Variants in TSPAN12 observed in about 807,000 individuals in gnomAD.
TSPAN12 encodes tetraspanin-12.
In TSPAN12, 19 loss-of-function variants were observed where a neutral mutation model predicts 39.2. That is an observed-to-expected ratio of 0.49 (90% confidence interval 0.34 to 0.71). The LOEUF is 0.71. Among genes scored for constraint, TSPAN12 ranks in the 30% least tolerant of loss-of-function variants. The pLI is 0.01. For synonymous variants in TSPAN12, 119 were observed against 124.8 expected (o/e 0.95, Z 0.31); for missense variants, 314 against 359.9 (o/e 0.87, Z 1.03).
At chr7:120,858,254 A>T (rs897795917), upstream of TSPAN12, 1 of 152,320 alleles carries the variant, frequency 6.6e-6, no homozygotes, top group Non-Finnish European at 1.5e-5. Flanking sequence ...TAGGGTCCAG[A>T]AGATAATGCC....
chr7:120,808,142 C>T (rs543807905), intron 6 of TSPAN12, among the ~76,000 whole-genome samples: 1 of 152,222 alleles, frequency 6.6e-6, no homozygotes, highest in African/African-American at 2.4e-5. Flanking sequence ...GATGACAGAA[C>T]AGTTCTTGGA....
intron 2 of TSPAN12, among the ~76,000 whole-genome samples, chr7:120,841,741 C>T (rs920352555): frequency 1.3e-5 from 2 of 151,972 alleles, no homozygotes; most frequent in African/African-American, 4.8e-5. Flanking sequence ...ATAATGATGA[C>T]TGGGATATGG....
intron 2 of TSPAN12, among the ~76,000 whole-genome samples, chr7:120,845,733 T>C (rs762012017): frequency 6.6e-6 from 1 of 152,218 alleles, no homozygotes; most frequent in Non-Finnish European, 1.5e-5. Flanking sequence ...TTTGTCAATA[T>C]TACTATCAGC....
chr7:120,829,434 C>T (rs1794350604), intron 4 of TSPAN12, among the ~76,000 whole-genome samples: 1 of 151,770 alleles, frequency 6.6e-6, no homozygotes, highest in South Asian at 2.1e-4. Context: ...GCTTTCCTCA[C>T]TGGCTTAAAT....
rs564570887 is a variant in TSPAN12 at position 120,825,742 on chromosome 7, C to A, written c.286-9939G>T. Among the ~76,000 whole-genome samples the A allele has an allele frequency of 5.9e-5, 9 of 152,256 alleles. No homozygotes were observed. The South Asian group carries it at 1.9e-3, about 32-fold the overall frequency. On this transcript the variant is annotated intron_variant, in intron 4 of 7. Coordinates refer to ENST00000222747, the MANE Select transcript of TSPAN12 (RefSeq NM_012338.4). ...ATATTTGTACAAGATAATGGAACAGCCATCCTTCTATTAAGAATCCATGGG... is the reference window on the plus strand; with the variant it reads ...ATATTTGTACAAGATAATGGAACAGACATCCTTCTATTAAGAATCCATGGG...
chr7:120,810,190 A>G (rs1427328881), intron 6 of TSPAN12, among the ~76,000 whole-genome samples: 1 of 151,386 alleles, frequency 6.6e-6, no homozygotes, highest in Non-Finnish European at 1.5e-5. Flanking sequence ...TCATAAAAAG[A>G]AAACTTCACA....
chr7:120,800,063 T>G lies in TSPAN12; in HGVS notation c.612+6486A>C, dbSNP rs962790241. On this transcript the variant is annotated intron_variant, in intron 7 of 7. Coordinates refer to ENST00000222747, the MANE Select transcript of TSPAN12 (RefSeq NM_012338.4). The stretch of plus-strand genomic sequence containing the variant: ...AGGAAAGGAGTGTTAACAAAAAGTG[T>G]TGAGAACTAAAATATTGCCCAGAAA... Among the ~76,000 whole-genome samples the G allele has an allele frequency of 2.0e-5, 3 of 151,736 alleles. No homozygotes were observed. In the South Asian group the frequency reaches 6.2e-4, roughly 31 times the overall value.
intron 2 of TSPAN12, among the ~76,000 whole-genome samples, chr7:120,841,443 A>C (rs1794576411): frequency 1.3e-5 from 2 of 152,168 alleles, no homozygotes; most frequent in Admixed American, 1.3e-4. Context: ...AAAGGAGAGA[A>C]GGAGAAACTC....
At chr7:120,848,949 C>A (rs533940579) in intron 2 of TSPAN12, among the ~76,000 whole-genome samples, 1 of 152,294 alleles carries the variant, frequency 6.6e-6, no homozygotes, top group East Asian at 1.9e-4. Flanking sequence ...CCTAGAAGCA[C>A]AACTTATGTG....
Position 120,857,273 on chromosome 7 carries a change from T to C in TSPAN12, c.-70-440A>G, listed in dbSNP as rs1210490886. The C allele has an allele frequency of 1.2e-5, 3 of 249,842 alleles. No homozygotes were observed. In the East Asian group the frequency reaches 2.9e-4, roughly 24 times the overall value. 15.5% of individuals were successfully genotyped at this position (249,842 alleles called of 1,614,324 possible). A position where few individuals can be genotyped will look rare whatever the true frequency, so the allele number is the denominator to read the frequency against. ...GGCGCCACCGGCAAGCCCGAGAGAA[T>C]GAGCGCCCTTCTAGTTAGGACAGTT... On this transcript the variant is annotated intron_variant, in intron 1 of 7. Transcript: ENST00000222747.
At chr7:120,849,247 A>G (rs1794727293) in intron 2 of TSPAN12, among the ~76,000 whole-genome samples, 1 of 152,240 alleles carries the variant, frequency 6.6e-6, no homozygotes, top group Non-Finnish European at 1.5e-5. Flanking sequence ...AATACTTAGA[A>G]AGTGCTAGCT....
intron 4 of TSPAN12, among the ~76,000 whole-genome samples, chr7:120,820,729 C>T (rs1794173427): frequency 6.6e-6 from 1 of 152,120 alleles, no homozygotes; most frequent in African/African-American, 2.4e-5. Context: ...AGTGCCCAAG[C>T]AGCACCTGTC....
intron 4 of TSPAN12, among the ~76,000 whole-genome samples, chr7:120,823,395 T>G (rs538637579): frequency 5.3e-5 from 8 of 152,154 alleles, no homozygotes; most frequent in African/African-American, 1.9e-4. Flanking sequence ...GAATTAAACA[T>G]AAATACACAA....
chr7:120,799,015 A>G (rs904564211), intron 7 of TSPAN12, among the ~76,000 whole-genome samples: 17 of 152,078 alleles, frequency 1.1e-4, no homozygotes, highest in African/African-American at 4.1e-4. Flanking sequence ...ATATTTTCTA[A>G]TTCCTACCTT....
intron 4 of TSPAN12, among the ~76,000 whole-genome samples, chr7:120,829,559 T>C (rs1325501481): frequency 1.3e-5 from 2 of 152,192 alleles, no homozygotes; most frequent in African/African-American, 2.4e-5. Context: ...TTCTGGTTTA[T>C]GTTTGCCAAA....
At chr7:120,839,021 GC>G in intron 3 of TSPAN12, 109 bp from the exon 4 acceptor site, 1 of 1,104,898 alleles carries the variant, frequency 9.1e-7, no homozygotes, top group Non-Finnish European at 1.4e-6. Flanking sequence ...CAATCATGAT[GC>G]CTCAAAACTA....
Position 120,856,709 on chromosome 7 carries a change from G to A in TSPAN12, c.55C>T (p.Leu19=). ...CLRCLLYALN[L]LFWLMSISVL... ...TGAAACTTACTTACCCAAAAGAGCA[G>A]ATTGAGGGCGTAGAGCAGGCAGCGC... Residue 19 remains leucine (L), a synonymous_variant, in exon 2 of 8, where the codon CTG becomes TTG. Transcript: ENST00000222747. 1 of 1,614,254 alleles carries A rather than the reference G, an allele frequency of 6.2e-7. No homozygotes were observed. The highest frequency in any genetic ancestry group is 8.5e-7 in the Non-Finnish European group (1 of 1,180,040).
At chr7:120,848,590 C>A (rs913668755) in intron 2 of TSPAN12, among the ~76,000 whole-genome samples, 1 of 152,108 alleles carries the variant, frequency 6.6e-6, no homozygotes, top group African/African-American at 2.4e-5. Context: ...AAAGTGTTCT[C>A]AAAAGTACTT....
chr7:120,825,876 A>G (rs1794275627), intron 4 of TSPAN12, among the ~76,000 whole-genome samples: 2 of 152,344 alleles, frequency 1.3e-5, no homozygotes, highest in African/African-American at 2.4e-5. Flanking sequence ...CTGAAGGTCA[A>G]TCATTCACCA....
Sources: gnomAD v4.1 joint callset for allele counts (sites outside exome capture counted in the v4.1 genomes callset) on GRCh38, gnomAD v4.1.1 for gene constraint, MANE v1.5 for transcripts, NCBI Gene and HGNC (gene_info 2026-07-23, HGNC 2026-07-21) for gene names.